The following TANGO2 variants were observed in gnomAD, a reference collection of about 807,000 sequenced individuals.
TANGO2 encodes transport and golgi organization 2 homolog.
Under a neutral mutation model 39.1 loss-of-function variants are expected in TANGO2, and 26 were observed. The ratio of observed to expected loss-of-function variants is 0.67; its 90% confidence interval spans 0.49 to 0.92. TANGO2 has a LOEUF of 0.92. Ranked by LOEUF, TANGO2 falls within the 40% of genes least tolerant of loss-of-function variation. TANGO2 has a pLI of 0.00. For missense variants in TANGO2, 326 were observed against 360.1 expected (o/e 0.91, Z 0.77); for synonymous variants, 131 against 144.5 (o/e 0.91, Z 0.67).
chr22:20,064,962 T>C lies in TANGO2; in HGVS notation c.*300T>C, dbSNP rs2049025989. The C allele has an allele frequency of 5.5e-6, 2 of 363,338 alleles. No individual in the cohort carries two copies. Among genetic ancestry groups the C allele is most frequent in the African/African-American group, 4.1e-5 (2 of 49,248 alleles). The allele number at this position is 363,338 out of a possible 1,614,324, so 22.5% of individuals were successfully genotyped here. A position where few individuals can be genotyped will look rare whatever the true frequency, so the allele number is the denominator to read the frequency against. ...TTGCACATGTACACAGGCACTCACA[T>C]GGCACACACATACACTCCTGCGTGT... On this transcript the variant is annotated 3_prime_UTR_variant, in exon 9 of 9. Coordinates refer to ENST00000327374, the MANE Select transcript of TANGO2 (RefSeq NM_152906.7).
At chr22:20,051,462 G>A (rs1405668286) in intron 3 of TANGO2, among the ~76,000 whole-genome samples, 1 of 151,930 alleles carries the variant, frequency 6.6e-6, no homozygotes, top group African/African-American at 2.4e-5. Flanking sequence ...ACCCAGGAGG[G>A]AGAGGTTGCA....
intron 1 of TANGO2, among the ~76,000 whole-genome samples, chr22:20,025,226 G>T (rs909990043): frequency 1.3e-5 from 2 of 150,758 alleles, no homozygotes; most frequent in African/African-American, 2.4e-5. Flanking sequence ...CTGAGTAGCT[G>T]GGATTACAGG....
At chr22:20,033,657 G>A (rs1394646989) in intron 1 of TANGO2, among the ~76,000 whole-genome samples, 4 of 152,234 alleles carry the variant, frequency 2.6e-5, no homozygotes, top group African/African-American at 9.6e-5. Flanking sequence ...AGTGACTGCA[G>A]CCAGGGGTTC....
At chr22:20,020,633 C>T (rs1347722954), upstream of TANGO2, among the ~76,000 whole-genome samples, 1 of 151,910 alleles carries the variant, frequency 6.6e-6, no homozygotes, top group Non-Finnish European at 1.5e-5. Flanking sequence ...ACCTGGAGGC[C>T]ATAAAGTGAA....
In TANGO2 at chr22:20,063,505, C is replaced by T. The variant is rs547323132; in HGVS notation, c.710+63C>T. 7.6e-5 allele frequency: 109 copies of T among 1,433,954 alleles called. 1 individual carries two copies. The Middle Eastern group carries it at 1.4e-3, about 19-fold the overall frequency. The allele number at this position is 1,433,954 out of a possible 1,614,324, so 88.8% of individuals were successfully genotyped here. On this transcript the variant is annotated intron_variant, in intron 8 of 8. Transcript: ENST00000327374. The stretch of plus-strand genomic sequence containing the variant: ...TGTCCCACCTCCCACGCTAGAGGGC[C>T]GGCAAAGAAGCCAAGTGCCCATAGC...
At chr22:20,034,735 G>T (rs536018911) in intron 1 of TANGO2, among the ~76,000 whole-genome samples, 1 of 152,220 alleles carries the variant, frequency 6.6e-6, no homozygotes, top group South Asian at 2.1e-4. Flanking sequence ...TCATCCTGTG[G>T]GGGTGACTGG....
chr22:20,051,515 G>A (rs984947198), intron 3 of TANGO2, among the ~76,000 whole-genome samples: 2 of 151,846 alleles, frequency 1.3e-5, no homozygotes, highest in Non-Finnish European at 2.9e-5. Flanking sequence ...TGGGCAACAA[G>A]AGCGAAACTC....
rs752298579 is a variant in TANGO2 at position 20,061,538 on chromosome 22, G to A, written c.460G>A (p.Gly154Arg). 57 of 1,605,150 alleles carry A rather than the reference G, an allele frequency of 3.6e-5. No individual in the cohort carries two copies. In the Admixed American group the frequency reaches 4.9e-4, roughly 14 times the overall value. ...CTGATTGCTCCTCACAGGCACCTAC[G>A]GGCTGAGCAACGCGCTGCTGGAGAC... The part of the protein sequence containing the change: ...DPIVLTPGTY[G>R]LSNALLETPW... The change falls in exon 7 of 9, where the codon GGG becomes AGG. Residue 154 changes from glycine (G) to arginine (R), a missense_variant. Transcript: ENST00000327374.
At chr22:20,023,459 A>T (rs1005051018) in intron 1 of TANGO2, among the ~76,000 whole-genome samples, 2 of 152,202 alleles carry the variant, frequency 1.3e-5, no homozygotes, top group African/African-American at 4.8e-5. Flanking sequence ...TGTTTGTGCT[A>T]TTCCTTGGAA....
At chr22:20,044,080 G>A (rs1014931316) in intron 3 of TANGO2, among the ~76,000 whole-genome samples, 2 of 152,156 alleles carry the variant, frequency 1.3e-5, no homozygotes, top group South Asian at 2.1e-4. Flanking sequence ...TGGAAGGTGC[G>A]CATAGATGGC....
At chr22:20,054,333 C>T (rs1328911095) in intron 5 of TANGO2, 1 of 156,586 alleles carries the variant, frequency 6.4e-6, no homozygotes, top group Non-Finnish European at 1.4e-5. Flanking sequence ...CTGCCCATGC[C>T]TTCGTGACTC....
chr22:20,063,137 C>A (rs1471490284), intron 7 of TANGO2: 3 of 555,110 alleles, frequency 5.4e-6, no homozygotes, highest in Non-Finnish European at 9.6e-6. Flanking sequence ...GTCTGGGCGA[C>A]AAGAGTGAAA....
rs1168362318 is a variant in TANGO2, at chr22:20,055,708, TG to T, written c.381-233del. On this transcript the variant is annotated intron_variant, in intron 5 of 8. Transcript: ENST00000327374. ...ATTTTAGATCCTGTGCCTCCTGGGC[TG>T]GTGGGCCCCGAGGTGAGCTGGGAAC... 38 of 587,884 alleles carry T rather than the reference TG, an allele frequency of 6.5e-5. 1 individual carries two copies. Among genetic ancestry groups the T allele is most frequent in the Non-Finnish European group, 1.1e-4 (36 of 329,066 alleles). The allele number at this position is 587,884 out of a possible 1,614,324, so 36.4% of individuals were successfully genotyped here. A position where few individuals can be genotyped will look rare whatever the true frequency, so the allele number is the denominator to read the frequency against.
chr22:20,041,107 G>A lies in TANGO2; in HGVS notation c.57-2248G>A, dbSNP rs182727268. ...GTGGGGGGCACACATGTGCACACAG[G>A]TGTGAATGCCTCCAAGGGCATGAAT... On this transcript the variant is annotated intron_variant, in intron 2 of 8. Transcript: ENST00000327374. Among the ~76,000 whole-genome samples the A allele has an allele frequency of 9.2e-5, 14 of 152,356 alleles. No individual in the cohort carries two copies. In the East Asian group the frequency reaches 1.9e-3, roughly 21 times the overall value.
intron 3 of TANGO2, among the ~76,000 whole-genome samples, chr22:20,049,936 C>T (rs959353964): frequency 2.6e-5 from 4 of 152,096 alleles, no homozygotes; most frequent in African/African-American, 4.8e-5. Context: ...AGGCTGGGCA[C>T]GGTGGCTCAC....
intron 1 of TANGO2, among the ~76,000 whole-genome samples, chr22:20,035,192 C>T (rs867182393): frequency 3.3e-5 from 5 of 152,350 alleles, no homozygotes; most frequent in African/African-American, 7.2e-5. Flanking sequence ...CTGCACGTGG[C>T]GCTTATTGCT....
chr22:20,051,007 A>G (rs2046241913), intron 3 of TANGO2, among the ~76,000 whole-genome samples: 1 of 151,102 alleles, frequency 6.6e-6, no homozygotes, highest in South Asian at 2.1e-4. Flanking sequence ...GATTACAGGC[A>G]TGCACCACCA....
chr22:20,049,660 C>CAA lies in TANGO2; in HGVS notation c.146-2789_146-2788dup, dbSNP rs695789. Among the ~76,000 whole-genome samples the CAA allele has an allele frequency of 1.3e-3, 111 of 87,102 alleles. 1 individual carries two copies. Among genetic ancestry groups the CAA allele is most frequent in the Admixed American group, 4.1e-3 (31 of 7,504 alleles). 57.1% of individuals were successfully genotyped at this position (87,102 alleles called of 152,430 possible). On this transcript the variant is annotated intron_variant, in intron 3 of 8. Transcript: ENST00000327374. ...GGGTAACAAGAGCGAAACTCTGTCT[C>CAA]AAAAAAAAAAAAAAAAAGAAAAAAG... is the stretch of plus-strand genomic sequence containing the variant.
At chr22:20,051,233 T>C (rs114226275) in intron 3 of TANGO2, among the ~76,000 whole-genome samples, 1,537 of 151,556 alleles carry the variant, frequency 0.01, 31 homozygotes, top group African/African-American at 0.035. Flanking sequence ...ATTATTGTTA[T>C]AAAAATAATA....
Sources: allele counts gnomAD v4.1 joint callset (sites outside exome capture counted in the v4.1 genomes callset), GRCh38; gene constraint gnomAD v4.1.1; transcripts MANE v1.5; gene names NCBI Gene and HGNC (gene_info 2026-07-23, HGNC 2026-07-21).